The following ARFGEF3 variants were observed in gnomAD, a reference collection of about 807,000 sequenced individuals.
The protein encoded by ARFGEF3 is ARFGEF family member 3.
Under a neutral mutation model 221.7 loss-of-function variants are expected in ARFGEF3, and 96 were observed. The observed-to-expected ratio is 0.43, with a 90% CI of 0.37 to 0.51. The LOEUF (loss-of-function observed/expected upper bound fraction) is 0.51, where lower values mean the gene tolerates loss of function less well. Ranked by LOEUF, ARFGEF3 falls within the 20% of genes least tolerant of loss-of-function variation. The pLI is 0.00. For synonymous variants in ARFGEF3, 1,145 were observed against 1,126.8 expected (o/e 1.02, Z -0.32); for missense variants, 2,410 against 2,789.9 (o/e 0.86, Z 3.07).
At chr6:138,297,422 A>G (rs2114645345) in intron 21 of ARFGEF3, among the ~76,000 whole-genome samples, 1 of 152,062 alleles carries the variant, frequency 6.6e-6, no homozygotes, top group South Asian at 2.1e-4. Flanking sequence ...AGACCCTTTC[A>G]CTCTCCAAAG....
At chr6:138,225,577 G>T (rs1015160034) in intron 4 of ARFGEF3, among the ~76,000 whole-genome samples, 7 of 152,156 alleles carry the variant, frequency 4.6e-5, no homozygotes, top group Admixed American at 1.3e-4. Flanking sequence ...GAGTTTTTTT[G>T]ATGTCAAAGA....
Position 138,333,970 on chromosome 6 carries a change from C to A in ARFGEF3, c.5124C>A (p.Ser1708Arg). The change falls in exon 33 of 34, where the codon AGC becomes AGA. Residue 1708 changes from serine to arginine, a missense_variant and splice_region_variant. Physicochemically the swap from Ser to Arg is moderately radical, Grantham distance 110. Coordinates refer to ENST00000251691, the MANE Select transcript of ARFGEF3 (RefSeq NM_020340.5). ...TCGAGCCCTCTCTTTTCACTTGAAG[C>A]GTGTCTTTCAGGGAAATTGTGGTGA... is the stretch of plus-strand genomic sequence containing the variant. Reference protein sequence around the residue: ...DEKPNGHTKKSVSFREIVVSL... With the variant: ...DEKPNGHTKKRVSFREIVVSL... The A allele has an allele frequency of 2.5e-6, 4 of 1,601,436 alleles. No individual in the cohort carries two copies. Among genetic ancestry groups the A allele is most frequent in the Non-Finnish European group, 3.4e-6 (4 of 1,171,264 alleles).
intron 4 of ARFGEF3, among the ~76,000 whole-genome samples, chr6:138,212,943 A>G (rs1276710039): frequency 6.6e-6 from 1 of 152,140 alleles, no homozygotes; most frequent in Non-Finnish European, 1.5e-5. Context: ...GCAAACCAAC[A>G]TGGCACATGT....
chr6:138,254,998 C>A (rs1439881615), intron 9 of ARFGEF3, among the ~76,000 whole-genome samples: 1 of 152,166 alleles, frequency 6.6e-6, no homozygotes, highest in African/African-American at 2.4e-5. Context: ...GTCAGAGATT[C>A]CCAGAAGTGA....
At chr6:138,314,341 T>G (rs1779881815) in intron 26 of ARFGEF3, among the ~76,000 whole-genome samples, 1 of 152,146 alleles carries the variant, frequency 6.6e-6, no homozygotes, top group Non-Finnish European at 1.5e-5. Flanking sequence ...AATCACCTCT[T>G]AAAGGTCCCA....
rs9495014 is a variant in ARFGEF3, at chr6:138,321,758, A to G, written c.4766+533A>G. On this transcript the variant is annotated intron_variant, in intron 29 of 33. Transcript: ENST00000251691. ...TACTCCAAAGAAGGAAAATAATTAT[A>G]TCAAAGAGATAGCTGTACTCCCATG... Among the ~76,000 whole-genome samples, 612 of 152,368 alleles carry G rather than the reference A, an allele frequency of 4.0e-3. 6 individuals carry two copies. Among genetic ancestry groups the G allele is most frequent in the African/African-American group, 0.014 (590 of 41,578 alleles).
intron 17 of ARFGEF3, among the ~76,000 whole-genome samples, chr6:138,287,575 G>C (rs1031918236): frequency 1.3e-5 from 2 of 152,234 alleles, no homozygotes; most frequent in Non-Finnish European, 2.9e-5. Context: ...AAATTAAGCA[G>C]ACGAAGAAAA....
At chr6:138,222,817 G>A (rs1444576128) in intron 4 of ARFGEF3, among the ~76,000 whole-genome samples, 2 of 152,032 alleles carry the variant, frequency 1.3e-5, no homozygotes, top group African/African-American at 2.4e-5. Context: ...TGAACATGTC[G>A]CTTGGGGAGT....
intron 10 of ARFGEF3, among the ~76,000 whole-genome samples, chr6:138,261,063 A>G (rs911005007): frequency 1.3e-5 from 2 of 152,214 alleles, no homozygotes; most frequent in African/African-American, 4.8e-5. Flanking sequence ...GAAACAAGCT[A>G]TACAAGCATT....
chr6:138,182,684 C>A (rs367661571), intron 2 of ARFGEF3, among the ~76,000 whole-genome samples: 2 of 152,288 alleles, frequency 1.3e-5, no homozygotes, highest in East Asian at 3.9e-4. Flanking sequence ...ACTGGGGAAA[C>A]CTGAGTAATT....
At chr6:138,207,821 G>A (rs1382428830) in intron 3 of ARFGEF3, among the ~76,000 whole-genome samples, 1 of 152,160 alleles carries the variant, frequency 6.6e-6, no homozygotes, top group Non-Finnish European at 1.5e-5. Context: ...GGTGGCATTT[G>A]TCAGATTTTT....
At chr6:138,250,346 A>G (rs928812794) in intron 8 of ARFGEF3, among the ~76,000 whole-genome samples, 10 of 152,160 alleles carry the variant, frequency 6.6e-5, no homozygotes, top group Admixed American at 3.9e-4. Context: ...CTGGAAGGAT[A>G]ATTGGACTTA....
At chr6:138,189,230 C>T (rs1777246953) in intron 2 of ARFGEF3, among the ~76,000 whole-genome samples, 1 of 152,174 alleles carries the variant, frequency 6.6e-6, no homozygotes, top group Non-Finnish European at 1.5e-5. Context: ...ACACAACTGA[C>T]ACACTTGTGA....
At chr6:138,228,172 ATTTTTT>A (rs549915422) in intron 4 of ARFGEF3, among the ~76,000 whole-genome samples, 3 of 106,438 alleles carry the variant, frequency 2.8e-5, no homozygotes, top group Non-Finnish European at 5.5e-5. Flanking sequence ...CACTGAGACA[ATTTTTT>A]TTTTTTTTTT....
intron 12 of ARFGEF3, 100 bp from the exon 13 acceptor site, chr6:138,278,351 T>C (rs1779134766): frequency 2.0e-6 from 2 of 988,832 alleles, no homozygotes; most frequent in South Asian, 2.9e-5. Context: ...AATATCCTAT[T>C]GATGCAGTAT....
chr6:138,261,484 G>A, intron 10 of ARFGEF3, 43 bp from the exon 11 acceptor site: 2 of 1,228,452 alleles, frequency 1.6e-6, no homozygotes, highest in South Asian at 3.0e-5. Flanking sequence ...GTGCTTTTTT[G>A]TGATATTCAC....
At position 138,291,598 on chromosome 6, in the gene ARFGEF3, C is replaced by T. The variant is rs964436962; in HGVS notation, c.3048-135C>T. Reference sequence around the variant, plus strand: ...TGAGAACACAGGAGGGAAGGACTGACTGTCATCACAGGAAAGAGGAAAGCT... The same window carrying T: ...TGAGAACACAGGAGGGAAGGACTGATTGTCATCACAGGAAAGAGGAAAGCT... On this transcript the variant is annotated intron_variant, in intron 18 of 33. Coordinates refer to ENST00000251691, the MANE Select transcript of ARFGEF3 (RefSeq NM_020340.5). The surrounding 1 kb of genome is among the most constrained non-coding windows in gnomAD (Gnocchi z 4.5). 2 of 485,248 alleles carry T rather than the reference C, an allele frequency of 4.1e-6. No homozygotes were observed. The highest frequency in any genetic ancestry group is 3.4e-6 in the Non-Finnish European group (1 of 292,652). The allele number at this position is 485,248 out of a possible 1,614,324, so 30.1% of individuals were successfully genotyped here. A position where few individuals can be genotyped will look rare whatever the true frequency, so the allele number is the denominator to read the frequency against.
intron 5 of ARFGEF3, among the ~76,000 whole-genome samples, chr6:138,235,189 C>T (rs1455949658): frequency 6.6e-6 from 1 of 151,992 alleles, no homozygotes; most frequent in Admixed American, 6.6e-5. Context: ...GTTCTTTTTC[C>T]TTCTACTTTT....
intron 4 of ARFGEF3, among the ~76,000 whole-genome samples, chr6:138,229,373 G>T (rs1289164132): frequency 6.6e-6 from 1 of 152,182 alleles, no homozygotes; most frequent in South Asian, 2.1e-4. Context: ...TAAAACGGGG[G>T]CAATAATAAT....
Sources: allele counts gnomAD v4.1 joint callset (sites outside exome capture counted in the v4.1 genomes callset), GRCh38; gene constraint gnomAD v4.1.1; non-coding constraint Gnocchi (gnomAD v3.1); transcripts MANE v1.5; gene names NCBI Gene and HGNC (gene_info 2026-07-23, HGNC 2026-07-21).